MAPRE2: variants seen among roughly 807,000 people sequenced by gnomAD.
MAPRE2 encodes the protein microtubule-associated protein RP/EB family member 2.
Under a neutral mutation model 43.2 loss-of-function variants are expected in MAPRE2, and 13 were observed. That is an observed-to-expected ratio of 0.30 (90% CI 0.20 to 0.48). The LOEUF (loss-of-function observed/expected upper bound fraction) is 0.48, where lower values mean the gene tolerates loss of function less well. Among genes scored for constraint, MAPRE2 ranks in the 20% least tolerant of loss-of-function variants. The pLI, the probability that MAPRE2 is intolerant of heterozygous loss-of-function variation, is 0.99. For missense variants in MAPRE2, 161 were observed against 400.2 expected (o/e 0.40, Z 5.10); for synonymous variants, 135 against 148.8 (o/e 0.91, Z 0.68).
intron 2 of MAPRE2, among the ~76,000 whole-genome samples, chr18:35,017,965 A>G (rs1398747470): frequency 6.6e-6 from 1 of 151,906 alleles, no homozygotes; most frequent in Non-Finnish European, 1.5e-5. Context: ...TGGGTTTGTC[A>G]TAGATGGCTC....
intron 2 of MAPRE2, chr18:35,070,615 A>G (rs951633040): frequency 6.5e-5 from 13 of 200,092 alleles, no homozygotes; most frequent in African/African-American, 3.0e-4. Flanking sequence ...CCCATCTGCC[A>G]TCACACTTGC....
intron 2 of MAPRE2, among the ~76,000 whole-genome samples, chr18:35,028,948 TC>T (rs1568976407): frequency 6.6e-6 from 1 of 152,110 alleles, no homozygotes; most frequent in Non-Finnish European, 1.5e-5. Flanking sequence ...CCTCTGGTTT[TC>T]CTAGGGGGCT....
chr18:35,138,051 TC>T (rs1472596710), intron 6 of MAPRE2, among the ~76,000 whole-genome samples: 1 of 152,136 alleles, frequency 6.6e-6, no homozygotes, highest in African/African-American at 2.4e-5. Flanking sequence ...TCTCTCCTGC[TC>T]CCCTGAGCAT....
intron 2 of MAPRE2, among the ~76,000 whole-genome samples, chr18:35,087,216 C>G (rs1017758289): frequency 4.6e-5 from 7 of 152,148 alleles, no homozygotes; most frequent in Non-Finnish European, 1.0e-4. Flanking sequence ...TGAAACCAAT[C>G]TTAGGGCTGC....
intron 1 of MAPRE2, among the ~76,000 whole-genome samples, chr18:35,002,690 G>A (rs779619868): frequency 2.0e-5 from 3 of 151,746 alleles, no homozygotes; most frequent in Admixed American, 6.6e-5. Context: ...AATATTATTT[G>A]CTTTCCGTAT....
chr18:35,000,690 A>G (rs1020703203), intron 1 of MAPRE2, among the ~76,000 whole-genome samples: 1 of 152,170 alleles, frequency 6.6e-6, no homozygotes, highest in African/African-American at 2.4e-5. Context: ...TGAAAACAAA[A>G]CCAACAAACA....
At chr18:35,121,768 G>A (rs1909682911) in intron 4 of MAPRE2, among the ~76,000 whole-genome samples, 1 of 152,220 alleles carries the variant, frequency 6.6e-6, no homozygotes, top group African/African-American at 2.4e-5. Context: ...CACTGATGGA[G>A]TGGGGCATTC....
At chr18:35,041,303 G>T (rs952190555), upstream of MAPRE2, 102 of 1,408,902 alleles carry the variant, frequency 7.2e-5, no homozygotes, top group African/African-American at 1.2e-3. Flanking sequence ...TGAGTTAGCG[G>T]GTTGCCATGG....
chr18:35,072,644 A>G (rs1907164871), intron 2 of MAPRE2, among the ~76,000 whole-genome samples: 1 of 152,216 alleles, frequency 6.6e-6, no homozygotes, highest in South Asian at 2.1e-4. Flanking sequence ...GATCTTTGAA[A>G]TTTCTCATAA....
At chr18:34,985,645 T>G (rs2097020444) in intron 1 of MAPRE2, among the ~76,000 whole-genome samples, 1 of 102,212 alleles carries the variant, frequency 9.8e-6, no homozygotes. Context: ...TATAATAATA[T>G]ATAACATATG....
At chr18:35,135,249 A>G (rs1349107593) in intron 6 of MAPRE2, among the ~76,000 whole-genome samples, 3 of 152,176 alleles carry the variant, frequency 2.0e-5, no homozygotes, top group Non-Finnish European at 4.4e-5. Flanking sequence ...GACAAGACCC[A>G]TTTGTTTAAA....
chr18:35,089,540 A>C (rs1908040693), intron 2 of MAPRE2, among the ~76,000 whole-genome samples: 2 of 152,198 alleles, frequency 1.3e-5, no homozygotes, highest in Admixed American at 1.3e-4. Flanking sequence ...ATGGCCTAAA[A>C]AGCACAAGGA....
chr18:35,030,049 A>G (rs1217784262), intron 2 of MAPRE2, among the ~76,000 whole-genome samples: 1 of 152,246 alleles, frequency 6.6e-6, no homozygotes, highest in East Asian at 1.9e-4. Context: ...GCTAATCACT[A>G]TATAAGGACA....
At chr18:35,074,289 A>AT (rs34357641) in intron 2 of MAPRE2, among the ~76,000 whole-genome samples, 4,364 of 151,448 alleles carry the variant, frequency 0.029, 197 homozygotes, top group African/African-American at 0.1. Flanking sequence ...GTGATAGGGA[A>AT]TTTTTTTTTC....
At chr18:34,993,000 G>A (rs892321908) in intron 1 of MAPRE2, among the ~76,000 whole-genome samples, 1 of 152,190 alleles carries the variant, frequency 6.6e-6, no homozygotes, top group African/African-American at 2.4e-5. Flanking sequence ...CACTGATGGA[G>A]CCCAGGAGTG....
At chr18:34,983,742 G>A (rs2097017571) in intron 1 of MAPRE2, among the ~76,000 whole-genome samples, 2 of 152,254 alleles carry the variant, frequency 1.3e-5, no homozygotes, top group South Asian at 4.1e-4. Flanking sequence ...TGATTCTCAT[G>A]CCTCAGCCTC....
intron 1 of MAPRE2, chr18:34,978,286 T>C (rs2097014271): frequency 6.7e-6 from 4 of 595,972 alleles, no homozygotes; most frequent in Non-Finnish European, 1.2e-5. Context: ...AATACTATCG[T>C]GCTGTCAATG....
intron 6 of MAPRE2, among the ~76,000 whole-genome samples, chr18:35,138,495 G>T (rs1910488512): frequency 1.3e-5 from 2 of 152,100 alleles, no homozygotes; most frequent in African/African-American, 4.8e-5. Context: ...GTCTACTGTT[G>T]GTTGACACAG....
intron 1 of MAPRE2, among the ~76,000 whole-genome samples, chr18:34,999,467 T>G (rs1341932094): frequency 6.6e-6 from 1 of 152,202 alleles, no homozygotes; most frequent in East Asian, 1.9e-4. Flanking sequence ...TAAATGATGA[T>G]TCCAAGAAGA....
Sources: gnomAD v4.1 joint callset for allele counts (sites outside exome capture counted in the v4.1 genomes callset) on GRCh38, gnomAD v4.1.1 for gene constraint, MANE v1.5 for transcripts, NCBI Gene and HGNC (gene_info 2026-07-23, HGNC 2026-07-21) for gene names.